SYT1: variants seen among roughly 807,000 people sequenced by gnomAD.
The protein encoded by SYT1 is synaptotagmin 1.
In SYT1, 8 loss-of-function variants were observed where a neutral mutation model predicts 44.8. That is an observed-to-expected ratio of 0.18 (90% CI 0.10 to 0.32). The LOEUF (loss-of-function observed/expected upper bound fraction) is 0.32, where lower values mean the gene tolerates loss of function less well. Ranked by LOEUF, SYT1 falls within the 10% of genes least tolerant of loss-of-function variation. The probability of loss-of-function intolerance (pLI) is 1.00; values close to 1 mark genes in which losing one functional copy is unlikely to be tolerated. For synonymous variants in SYT1, 154 were observed against 188.8 expected (o/e 0.82, Z 1.51); for missense variants, 286 against 509.3 (o/e 0.56, Z 4.22).
At chr12:78,933,414 T>C (rs1312628633) in intron 1 of SYT1, among the ~76,000 whole-genome samples, 1 of 152,188 alleles carries the variant, frequency 6.6e-6, no homozygotes, top group Admixed American at 6.5e-5. Context: ...GCATATATTA[T>C]CAATATAAGA....
At chr12:78,976,084 T>C (rs772693776) in intron 1 of SYT1, among the ~76,000 whole-genome samples, 20 of 152,194 alleles carry the variant, frequency 1.3e-4, no homozygotes, top group Non-Finnish European at 2.5e-4. Flanking sequence ...ACTGGAAGAA[T>C]CTTTCCTCAC....
chr12:79,127,969 A>G (rs1044372393), intron 3 of SYT1, among the ~76,000 whole-genome samples: 2 of 152,238 alleles, frequency 1.3e-5, no homozygotes, highest in Non-Finnish European at 2.9e-5. Context: ...TGCATGATGG[A>G]TGAATTAGGT....
At chr12:78,962,332 C>CTTTTTTTTT (rs35875550) in intron 1 of SYT1, among the ~76,000 whole-genome samples, 2 of 130,128 alleles carry the variant, frequency 1.5e-5, no homozygotes, top group African/African-American at 2.8e-5. Flanking sequence ...AGCATTCTTT[C>CTTTTTTTTT]TTTTTTTTTT....
At chr12:79,227,237 T>TA (rs1485419038) in intron 4 of SYT1, among the ~76,000 whole-genome samples, 2 of 152,116 alleles carry the variant, frequency 1.3e-5, no homozygotes, top group African/African-American at 4.8e-5. Flanking sequence ...TAAATTTTTT[T>TA]TAAAAAAAGG....
At chr12:79,209,848 C>CT (rs1874335710) in intron 3 of SYT1, among the ~76,000 whole-genome samples, 1 of 152,230 alleles carries the variant, frequency 6.6e-6, no homozygotes, top group Non-Finnish European at 1.5e-5. Flanking sequence ...AAAATATACT[C>CT]TAACACCTTC....
intron 3 of SYT1, among the ~76,000 whole-genome samples, chr12:79,147,013 G>T (rs1869960783): frequency 6.6e-6 from 1 of 152,000 alleles, no homozygotes; most frequent in Non-Finnish European, 1.5e-5. Context: ...GCTAATTTTT[G>T]TATTTTTAGT....
At chr12:79,171,218 G>A (rs2138350803) in intron 3 of SYT1, among the ~76,000 whole-genome samples, 1 of 151,870 alleles carries the variant, frequency 6.6e-6, no homozygotes, top group East Asian at 1.9e-4. Flanking sequence ...GTTTTCTCTA[G>A]TTCTGTAAAG....
intron 9 of SYT1, among the ~76,000 whole-genome samples, chr12:79,409,700 G>T (rs1232117773): frequency 2.0e-5 from 3 of 152,004 alleles, no homozygotes; most frequent in Non-Finnish European, 2.9e-5. Flanking sequence ...TGGCTTGAAG[G>T]CATAGACATT....
At position 79,167,200 on chromosome 12, in the gene SYT1, C is replaced by T. The variant is rs148419235; in HGVS notation, c.-17-50303C>T. On this transcript the variant is annotated intron_variant, in intron 3 of 10. Coordinates refer to ENST00000261205, the MANE Select transcript of SYT1 (RefSeq NM_005639.3). Reference sequence around the variant, plus strand: ...GATCTCAGATTCCCTATGAAAAGGACAAAGTCCTGCCCTTGAAAATGTTAG... The same window carrying T: ...GATCTCAGATTCCCTATGAAAAGGATAAAGTCCTGCCCTTGAAAATGTTAG... Among the ~76,000 whole-genome samples the T allele has an allele frequency of 1.2e-3, 180 of 152,106 alleles. 2 individuals carry two copies. Among genetic ancestry groups the T allele is most frequent in the African/African-American group, 4.0e-3 (167 of 41,542 alleles).
intron 9 of SYT1, among the ~76,000 whole-genome samples, chr12:79,384,005 G>C (rs919853316): frequency 1.3e-5 from 2 of 152,150 alleles, no homozygotes; most frequent in African/African-American, 4.8e-5. Flanking sequence ...AACTATTTAA[G>C]TGGATGATTT....
At chr12:79,049,162 G>A (rs887981069) in intron 3 of SYT1, among the ~76,000 whole-genome samples, 3 of 151,730 alleles carry the variant, frequency 2.0e-5, no homozygotes, top group African/African-American at 7.3e-5. Flanking sequence ...GCTGATTTAT[G>A]TATAAGTTAT....
chr12:79,108,486 T>A (rs930059711), intron 3 of SYT1, among the ~76,000 whole-genome samples: 1 of 152,050 alleles, frequency 6.6e-6, no homozygotes, highest in South Asian at 2.1e-4. Flanking sequence ...AGCTTTTTTA[T>A]CTCTGTAATT....
intron 4 of SYT1, among the ~76,000 whole-genome samples, chr12:79,224,590 A>C (rs1875376744): frequency 6.6e-6 from 1 of 152,028 alleles, no homozygotes; most frequent in Non-Finnish European, 1.5e-5. Flanking sequence ...GGCAGAAGAT[A>C]AATTTGAATG....
chr12:79,077,895 A>G (rs1353627537), intron 3 of SYT1, among the ~76,000 whole-genome samples: 2 of 152,066 alleles, frequency 1.3e-5, no homozygotes, highest in Non-Finnish European at 2.9e-5. Context: ...TGGTTTGATA[A>G]ATTTTTACAT....
intron 2 of SYT1, among the ~76,000 whole-genome samples, chr12:79,033,427 T>G (rs1245947118): frequency 6.6e-6 from 1 of 151,422 alleles, no homozygotes; most frequent in Non-Finnish European, 1.5e-5. Context: ...TAAAAACATC[T>G]TTGAATTCTC....
chr12:78,986,791 A>G (rs1869671471), intron 2 of SYT1, among the ~76,000 whole-genome samples: 1 of 151,990 alleles, frequency 6.6e-6, no homozygotes, highest in Non-Finnish European at 1.5e-5. Flanking sequence ...AGAATTATGG[A>G]CTGTGATGAG....
chr12:79,286,414 G>A (rs764949193), intron 5 of SYT1, among the ~76,000 whole-genome samples: 1 of 152,152 alleles, frequency 6.6e-6, no homozygotes, highest in Non-Finnish European at 1.5e-5. Context: ...CTGGATGAAA[G>A]CTGCTTTTCC....
At chr12:79,040,578 G>A (rs1395337108) in intron 2 of SYT1, among the ~76,000 whole-genome samples, 6 of 151,972 alleles carry the variant, frequency 3.9e-5, no homozygotes, top group South Asian at 2.1e-4. Context: ...TAGGTTGCCT[G>A]TTCACTCTGA....
intron 9 of SYT1, among the ~76,000 whole-genome samples, chr12:79,436,408 G>C (rs544009686): frequency 6.6e-6 from 1 of 152,272 alleles, no homozygotes; most frequent in African/African-American, 2.4e-5. Context: ...TTCTTATCAA[G>C]AGAAATATGG....
Sources: allele counts gnomAD v4.1 joint callset (sites outside exome capture counted in the v4.1 genomes callset), GRCh38; gene constraint gnomAD v4.1.1; transcripts MANE v1.5; gene names NCBI Gene and HGNC (gene_info 2026-07-23, HGNC 2026-07-21).